BCKDHB: variants seen among roughly 807,000 people sequenced by gnomAD.
BCKDHB encodes the protein branched chain keto acid dehydrogenase E1 subunit beta.
A neutral mutation model predicts 48.5 loss-of-function variants in BCKDHB; 41 were observed. That is an observed-to-expected ratio of 0.85 (90% CI 0.66 to 1.10). The LOEUF is 1.10. BCKDHB is among the 50% of genes least tolerant of loss of function. The pLI, the probability that BCKDHB is intolerant of heterozygous loss-of-function variation, is 0.00. For missense variants in BCKDHB, 496 were observed against 494.2 expected (o/e 1.00, Z -0.03); for synonymous variants, 201 against 174.8 (o/e 1.15, Z -1.18).
intron 3 of BCKDHB, among the ~76,000 whole-genome samples, chr6:80,150,963 G>A (rs1261370925): frequency 6.6e-6 from 1 of 152,140 alleles, no homozygotes; most frequent in Non-Finnish European, 1.5e-5. Context: ...TATGTGAAAT[G>A]TCACTGTTAT....
chr6:80,227,965 A>G (rs1050439935), intron 8 of BCKDHB, among the ~76,000 whole-genome samples: 9 of 152,104 alleles, frequency 5.9e-5, no homozygotes, highest in Admixed American at 4.6e-4. Flanking sequence ...TCCAACCACC[A>G]TATGTGGTGA....
intron 9 of BCKDHB, among the ~76,000 whole-genome samples, chr6:80,312,557 T>C (rs1321747196): frequency 2.0e-5 from 3 of 152,208 alleles, no homozygotes; most frequent in Admixed American, 6.5e-5. Flanking sequence ...ATATTGGCTG[T>C]GGGTCTGTCA....
At chr6:80,183,746 T>C (rs1773518289) in intron 6 of BCKDHB, among the ~76,000 whole-genome samples, 1 of 152,168 alleles carries the variant, frequency 6.6e-6, no homozygotes, top group Admixed American at 6.5e-5. Flanking sequence ...CATCTGTTTG[T>C]CTCCCCTCAC....
At chr6:80,371,478 C>T in the BCKDHB span, among the ~76,000 whole-genome samples, 1 of 152,028 alleles carries the variant, frequency 6.6e-6, no homozygotes, top group South Asian at 2.1e-4. Flanking sequence ...TGTGCAGAAG[C>T]ATTTTAGTTT....
chr6:80,322,243 T>TC (rs1288254777), intron 9 of BCKDHB, among the ~76,000 whole-genome samples: 4 of 108,090 alleles, frequency 3.7e-5, no homozygotes, highest in Admixed American at 9.4e-5. Flanking sequence ...CTTTTCTTTT[T>TC]TTTTTTTTTT....
the BCKDHB span, among the ~76,000 whole-genome samples, chr6:80,391,410 C>A: frequency 1.5e-4 from 23 of 152,018 alleles, no homozygotes; most frequent in South Asian, 2.1e-4. Flanking sequence ...AAGAGAGAGG[C>A]AGAGGGAATT....
intron 1 of BCKDHB, among the ~76,000 whole-genome samples, chr6:80,112,924 A>G (rs1188599097): frequency 6.6e-6 from 1 of 152,212 alleles, no homozygotes; most frequent in Non-Finnish European, 1.5e-5. Context: ...ATGATTTGAT[A>G]AGACCATGCT....
chr6:80,294,522 T>C (rs942208380), intron 9 of BCKDHB, among the ~76,000 whole-genome samples: 1 of 152,220 alleles, frequency 6.6e-6, no homozygotes, highest in African/African-American at 2.4e-5. Flanking sequence ...TAAACCGATG[T>C]GCAAGTAGGA....
the BCKDHB span, among the ~76,000 whole-genome samples, chr6:80,382,830 A>G: frequency 6.6e-6 from 1 of 152,166 alleles, no homozygotes; most frequent in African/African-American, 2.4e-5. Context: ...ATGAGTTTAT[A>G]TTGCCTGTTT....
chr6:80,146,306 T>A (rs1217186013), intron 3 of BCKDHB, among the ~76,000 whole-genome samples: 1 of 152,164 alleles, frequency 6.6e-6, no homozygotes, highest in Non-Finnish European at 1.5e-5. Context: ...AGTGTAAGAA[T>A]GAAATAACAA....
At chr6:80,409,042 A>G in the BCKDHB span, among the ~76,000 whole-genome samples, 1 of 152,074 alleles carries the variant, frequency 6.6e-6, no homozygotes, top group Non-Finnish European at 1.5e-5. Context: ...ACAGTGCTTT[A>G]AATGTGTCCC....
chr6:80,455,420 C>T, the BCKDHB span, among the ~76,000 whole-genome samples: 23 of 151,878 alleles, frequency 1.5e-4, no homozygotes, highest in South Asian at 3.1e-3. Flanking sequence ...CTTATCTCAG[C>T]TTTGAACCTA....
the BCKDHB span, chr6:80,465,837 A>G: frequency 1.3e-5 from 2 of 152,222 alleles, no homozygotes; most frequent in Non-Finnish European, 2.9e-5. Flanking sequence ...ACAGTTTTGC[A>G]AATACCCAGA....
intron 3 of BCKDHB, among the ~76,000 whole-genome samples, chr6:80,152,493 A>G (rs1348135954): frequency 6.6e-6 from 1 of 152,156 alleles, no homozygotes; most frequent in African/African-American, 2.4e-5. Flanking sequence ...CTTAAATGAG[A>G]GTTTAATTTA....
At chr6:80,153,746 A>G (rs1440812644) in intron 3 of BCKDHB, among the ~76,000 whole-genome samples, 1 of 150,306 alleles carries the variant, frequency 6.7e-6, no homozygotes, top group African/African-American at 2.5e-5. Flanking sequence ...TGATCCTCAG[A>G]TCAGCTCTGA....
chr6:80,444,680 C>T, the BCKDHB span, among the ~76,000 whole-genome samples: 1 of 152,162 alleles, frequency 6.6e-6, no homozygotes, highest in South Asian at 2.1e-4. Context: ...CAACTTATTA[C>T]TAAATGCCTA....
At chr6:80,112,488 C>T (rs948131401) in intron 1 of BCKDHB, among the ~76,000 whole-genome samples, 1 of 152,188 alleles carries the variant, frequency 6.6e-6, no homozygotes, top group Non-Finnish European at 1.5e-5. Context: ...CAACAGCAAA[C>T]TCCAGAATTC....
At chr6:80,267,316 G>A (rs1777554211) in intron 8 of BCKDHB, among the ~76,000 whole-genome samples, 1 of 151,986 alleles carries the variant, frequency 6.6e-6, no homozygotes, top group Non-Finnish European at 1.5e-5. Context: ...CTTGTAACCT[G>A]GTTTTAGGTT....
the BCKDHB span, among the ~76,000 whole-genome samples, chr6:80,417,562 G>C: frequency 6.6e-6 from 1 of 152,174 alleles, no homozygotes; most frequent in Non-Finnish European, 1.5e-5. Context: ...GCATTTGCTT[G>C]TCTGCAAAAG....
Sources: gnomAD v4.1 joint callset for allele counts (sites outside exome capture counted in the v4.1 genomes callset) on GRCh38, gnomAD v4.1.1 for gene constraint, MANE v1.5 for transcripts, NCBI Gene and HGNC (gene_info 2026-07-23, HGNC 2026-07-21) for gene names.